Variants in CCNP observed in about 807,000 individuals in gnomAD.
CCNP encodes cyclin-P.
In CCNP, 18 loss-of-function variants were observed where a neutral mutation model predicts 19.6. That is an observed-to-expected ratio of 0.92 (90% CI 0.64 to 1.36). The LOEUF (loss-of-function observed/expected upper bound fraction) is 1.36. Ranked by LOEUF, CCNP falls within the 40% of genes most tolerant of loss-of-function variation. The probability of loss-of-function intolerance (pLI) is 0.00; values close to 1 mark genes in which losing one functional copy is unlikely to be tolerated. For missense variants in CCNP, 440 were observed against 424.4 expected, an observed-to-expected ratio of 1.04 and a Z score of -0.32; for synonymous variants, 228 against 194.9, an observed-to-expected ratio of 1.17 and a Z score of -1.41.
intron 1 of CCNP, among the ~76,000 whole-genome samples, chr19:40,225,335 AG>A (rs1160349374): frequency 6.6e-6 from 1 of 152,112 alleles, no homozygotes; most frequent in Non-Finnish European, 1.5e-5. Context: ...CTGGGATTAC[AG>A]GTATGAGCCA....
Position 40,223,424 on chromosome 19 carries a change from G to T in CCNP, c.636C>A (p.Leu212=). 6.3e-7 allele frequency: 1 copy of T among 1,597,912 alleles called. No individual in the cohort carries two copies. The highest frequency in any genetic ancestry group is 8.5e-7 in the Non-Finnish European group (1 of 1,172,916). ...RLHHPGPLLC[L]GLLAALAGSS... ...TCCCTGCCAGCGCGGCCAGCAGCCCGAGGCACAGCAGCGGGCCGGGGTGGT... is the reference window on the plus strand; with the variant it reads ...TCCCTGCCAGCGCGGCCAGCAGCCCTAGGCACAGCAGCGGGCCGGGGTGGT... Residue 212 remains leucine (L), a synonymous_variant, in exon 4 of 5, where the codon CTC becomes CTA. Coordinates refer to ENST00000430325, the MANE Select transcript of CCNP (RefSeq NM_024877.4).
chr19:40,226,409 C>T lies in CCNP; in HGVS notation c.233G>A (p.Arg78His). The change falls in exon 1 of 5, where the codon CGC becomes CAC. Residue 78 changes from arginine (R) to histidine (H), a missense_variant. By Grantham distance (29) the Arg-to-His change is conservative. Coordinates refer to ENST00000430325, the MANE Select transcript of CCNP (RefSeq NM_024877.4). Reference sequence around the variant, plus strand: ...GGCGAAGATGTCCCCGGCGTACTCGCGTTCTCCCTGCAGCCCCAGCGCGCT... The same window carrying T: ...GGCGAAGATGTCCCCGGCGTACTCGTGTTCTCCCTGCAGCCCCAGCGCGCT... ...ALSALGLQGE[R>H]EYAGDIFAEV... is the part of the protein sequence containing the mutation. 1 of 1,607,938 alleles carries T rather than the reference C, an allele frequency of 6.2e-7. No homozygotes were observed.
rs1370392561 is a variant in CCNP, at chr19:40,223,030, A to G, written c.*22T>C. The G allele has an allele frequency of 7.2e-7, 1 of 1,396,092 alleles. No homozygotes were observed. Among genetic ancestry groups the G allele is most frequent in the East Asian group, 2.5e-5 (1 of 39,990 alleles). 86.5% of individuals were successfully genotyped at this position (1,396,092 alleles called of 1,614,324 possible). A position where few individuals can be genotyped will look rare whatever the true frequency, so the allele number is the denominator to read the frequency against. On this transcript the variant is annotated 3_prime_UTR_variant, in exon 5 of 5. Coordinates refer to ENST00000430325, the MANE Select transcript of CCNP (RefSeq NM_024877.4). Reference sequence around the variant, plus strand: ...ATTCTCTCCCACACCCAGAAAAATCAAGTCTAGGTGCCACCTCCTCCTCAA... The same window carrying G: ...ATTCTCTCCCACACCCAGAAAAATCGAGTCTAGGTGCCACCTCCTCCTCAA...
In CCNP at chr19:40,223,406, C is replaced by A; in HGVS notation, c.654G>T (p.Leu218=). Residue 218 remains leucine (L), a synonymous_variant, in exon 4 of 5, where the codon CTG becomes CTT. Transcript: ENST00000430325. ...GGCTCACCTGGGGGCTGCTCCCTGC[C>A]AGCGCGGCCAGCAGCCCGAGGCACA... ...PLLCLGLLAA[L]AGSSPQVMLL... is the part of the protein sequence containing the mutation. The A allele has an allele frequency of 6.4e-7, 1 of 1,573,210 alleles. No individual in the cohort carries two copies. The highest frequency in any genetic ancestry group is 8.6e-7 in the Non-Finnish European group (1 of 1,160,934).
rs369761473 is a variant in CCNP, at chr19:40,223,559, G to T, written c.514-13C>A. The T allele has an allele frequency of 1.9e-6, 3 of 1,598,062 alleles. No homozygotes were observed. Among genetic ancestry groups the T allele is most frequent in the African/African-American group, 2.7e-5 (2 of 74,424 alleles). Reference sequence around the variant, plus strand: ...AGAGGAAGGCGGGCTGCAGATGGGGGATGCGGGGGGAGGTGAAGGAGTCTT... The same window carrying T: ...AGAGGAAGGCGGGCTGCAGATGGGGTATGCGGGGGGAGGTGAAGGAGTCTT... On this transcript the variant is annotated splice_polypyrimidine_tract_variant and intron_variant, in intron 3 of 4. Transcript: ENST00000430325.
Position 40,223,387 on chromosome 19 carries a change from C to A in CCNP, c.672+1G>T. On this transcript the variant is annotated splice_donor_variant, in intron 4 of 4. Transcript: ENST00000430325. LOFTEE classifies it high-confidence loss of function. ...CACCCCGCGTATTCACAAGGGCTCACCTGGGGGCTGCTCCCTGCCAGCGCG... is the reference window on the plus strand; with the variant it reads ...CACCCCGCGTATTCACAAGGGCTCAACTGGGGGCTGCTCCCTGCCAGCGCG... 1 of 1,540,620 alleles carries A rather than the reference C, an allele frequency of 6.5e-7. No individual in the cohort carries two copies. Among genetic ancestry groups the A allele is most frequent in the Non-Finnish European group, 8.7e-7 (1 of 1,144,152 alleles).
At chr19:40,223,981 TG>T (rs1345922360) in intron 3 of CCNP, among the ~76,000 whole-genome samples, 1 of 148,956 alleles carries the variant, frequency 6.7e-6, no homozygotes, top group African/African-American at 2.5e-5. Context: ...TGTTTTTTTT[TG>T]TTGTTGTTGT....
In CCNP at chr19:40,223,211, C is replaced by G; in HGVS notation, c.765G>C (p.Leu255=). Residue 255 remains leucine, a synonymous_variant, in exon 5 of 5, where the codon CTG becomes CTC. Coordinates refer to ENST00000430325, the MANE Select transcript of CCNP (RefSeq NM_024877.4). ...CGTCGAGCAAGCGGTGCGCCAGGCT[C>G]AGAGCCGCAGCCGCACGACGACCCG... ...WEPGRRAAAA[L]SLAHRLLDGA... 6.5e-7 allele frequency: 1 copy of G among 1,549,640 alleles called. No individual in the cohort carries two copies. Among genetic ancestry groups the G allele is most frequent in the Non-Finnish European group, 8.7e-7 (1 of 1,146,478 alleles).
Position 40,226,632 on chromosome 19 carries a change from T to C in CCNP, c.10A>G (p.Arg4Gly), listed in dbSNP as rs1210601160. ...GAGCCGGACCCCTGGTCCCTGCCTC[T>C]CACCAGCATCCTCCAGGAGGGTGTT... MLV[R>G]GRDQGSGSRL... Residue 4 changes from arginine to glycine, a missense_variant, in exon 1 of 5, where the codon AGA (arginine) becomes GGA (glycine). Physicochemically the swap from Arg to Gly is moderately radical, Grantham distance 125. Coordinates refer to ENST00000430325, the MANE Select transcript of CCNP (RefSeq NM_024877.4). 1.9e-5 allele frequency: 30 copies of C among 1,579,080 alleles called. No homozygotes were observed. Among genetic ancestry groups the C allele is most frequent in the Non-Finnish European group, 2.5e-5 (29 of 1,164,202 alleles).
At position 40,222,806 on chromosome 19, in the gene CCNP, G is replaced by C. The variant is rs997308295; in HGVS notation, c.*246C>G. The stretch of plus-strand genomic sequence containing the variant: ...CCATGGTTCGCCCTGCCACCTGGTA[G>C]CATGGTTAGCGGCCCTAGCAGCTAA... On this transcript the variant is annotated 3_prime_UTR_variant, in exon 5 of 5. Transcript: ENST00000430325. 4.4e-6 allele frequency: 2 copies of C among 450,630 alleles called. No individual in the cohort carries two copies. Among genetic ancestry groups the C allele is most frequent in the Non-Finnish European group, 7.8e-6 (2 of 256,988 alleles). 27.9% of individuals were successfully genotyped at this position (450,630 alleles called of 1,614,324 possible). A position where few individuals can be genotyped will look rare whatever the true frequency, so the allele number is the denominator to read the frequency against.
rs1973513210 is a variant in CCNP, at chr19:40,224,615, AGT to A, written c.384_385del (p.Tyr130SerfsTer7). 2 of 1,614,114 alleles carry A rather than the reference AGT, an allele frequency of 1.2e-6. No homozygotes were observed. Among genetic ancestry groups the A allele is most frequent in the Admixed American group, 1.7e-5 (1 of 60,008 alleles). On this transcript the variant is annotated frameshift_variant, in exon 3 of 5. Coordinates refer to ENST00000430325, the MANE Select transcript of CCNP (RefSeq NM_024877.4). LOFTEE classifies it high-confidence loss of function. ...ATCAAGCAGGTGAACCGCCAGATAA[AGT>A]GTGTCACCAGCCAGACCCAGGTACT...
chr19:40,226,675 C>T lies in CCNP; in HGVS notation c.-34G>A. The T allele has an allele frequency of 6.6e-7, 1 of 1,510,532 alleles. No individual in the cohort carries two copies. Among genetic ancestry groups the T allele is most frequent in the Non-Finnish European group, 8.8e-7 (1 of 1,132,732 alleles). 93.6% of individuals were successfully genotyped at this position (1,510,532 alleles called of 1,614,324 possible). ...AGGGTGTTGCGGGCGAGGCCAAGCA[C>T]CGACCCTTGCAGCTAGGGGAAGAGA... On this transcript the variant is annotated 5_prime_UTR_variant, in exon 1 of 5. In the 5' UTR this introduces an upstream ATG that the reference lacks. Transcript: ENST00000430325.
rs941051002 is a variant in CCNP, at chr19:40,222,962, G to T, written c.*90C>A. On this transcript the variant is annotated 3_prime_UTR_variant, in exon 5 of 5. Coordinates refer to ENST00000430325, the MANE Select transcript of CCNP (RefSeq NM_024877.4). The stretch of plus-strand genomic sequence containing the variant: ...AGACTATCTTCCACTCTGGGGCAAG[G>T]TTAAGAGACCCCAGATCTGGACTAA... The T allele has an allele frequency of 2.7e-6, 2 of 748,998 alleles. No individual in the cohort carries two copies. Among genetic ancestry groups the T allele is most frequent in the Non-Finnish European group, 4.3e-6 (2 of 460,446 alleles). The allele number at this position is 748,998 out of a possible 1,614,324, so 46.4% of individuals were successfully genotyped here.
chr19:40,223,464 A>G lies in CCNP; in HGVS notation c.596T>C (p.Leu199Pro). ...GCCGGGGTGGTGCAGCCGGAAATCCAGGCGGCTCAGGATGCGACGCTCGGC... is the reference window on the plus strand; with the variant it reads ...GCCGGGGTGGTGCAGCCGGAAATCCGGGCGGCTCAGGATGCGACGCTCGGC... ...LRAERRILSR[L>P]DFRLHHPGPL... is the part of the protein sequence containing the mutation. The change falls in exon 4 of 5, where the codon CTG becomes CCG. Residue 199 changes from leucine (L) to proline (P), a missense_variant. By Grantham distance (98) the Leu-to-Pro change is moderately conservative. Transcript: ENST00000430325. 6.2e-7 allele frequency: 1 copy of G among 1,610,970 alleles called. No individual in the cohort carries two copies. Among genetic ancestry groups the G allele is most frequent in the Non-Finnish European group, 8.5e-7 (1 of 1,178,448 alleles).
Position 40,226,292 on chromosome 19 carries a change from G to A in CCNP, c.267+83C>T. On this transcript the variant is annotated intron_variant, in intron 1 of 4. Coordinates refer to ENST00000430325, the MANE Select transcript of CCNP (RefSeq NM_024877.4). ...GTGATAGGGAGGAGAGGCTGGAGCG[G>A]TGGGAGTTCAGAGTGGTGTTGAGTG... The A allele has an allele frequency of 2.5e-6, 3 of 1,216,992 alleles. No individual in the cohort carries two copies. In the South Asian group the frequency reaches 3.8e-5, roughly 16 times the overall value. The allele number at this position is 1,216,992 out of a possible 1,614,324, so 75.4% of individuals were successfully genotyped here.
In CCNP at chr19:40,226,468, G is replaced by A. The variant is rs146380997; in HGVS notation, c.174C>T (p.Arg58=). 1.2e-6 allele frequency: 2 copies of A among 1,607,238 alleles called. No individual in the cohort carries two copies. The highest frequency in any genetic ancestry group is 2.2e-5 in the East Asian group (1 of 44,726). Residue 58 remains arginine (R), a synonymous_variant, in exon 1 of 5, where the codon CGC becomes CGT. Transcript: ENST00000430325. ...CCTCCAGCCCCGGCGGCCTCGCCAG[G>A]CGTCTTGGGGAGACAGTGGGGCCCG... ...FPAGPTVSPR[R]LARPPGLEEA... is the part of the protein sequence containing the mutation.
At chr19:40,225,340 T>C (rs891324544) in intron 1 of CCNP, among the ~76,000 whole-genome samples, 2 of 152,128 alleles carry the variant, frequency 1.3e-5, no homozygotes, top group African/African-American at 4.8e-5. Flanking sequence ...ATTACAGGTA[T>C]GAGCCACTGC....
chr19:40,224,578 G>A lies in CCNP; in HGVS notation c.423C>T (p.Ser141=), dbSNP rs767890035. Residue 141 remains serine, a synonymous_variant, in exon 3 of 5, where the codon AGC becomes AGT. Transcript: ENST00000430325. ...GGCGATGTAGACGCACGCGGCCAGC[G>A]CTCAGGTAGGAATCAAGCAGGTGAA... is the stretch of plus-strand genomic sequence containing the variant. ...LAVHLLDSYL[S]AGRVRLHRLQ... 1.9e-6 allele frequency: 3 copies of A among 1,614,172 alleles called. No homozygotes were observed. Among genetic ancestry groups the A allele is most frequent in the Non-Finnish European group, 1.7e-6 (2 of 1,180,040 alleles).
At chr19:40,223,874 T>G (rs1973496806) in intron 3 of CCNP, among the ~76,000 whole-genome samples, 1 of 152,068 alleles carries the variant, frequency 6.6e-6, no homozygotes, top group Non-Finnish European at 1.5e-5. Context: ...TCATGCATGT[T>G]GACGGTAACT....
Sources: allele counts gnomAD v4.1 joint callset (sites outside exome capture counted in the v4.1 genomes callset), GRCh38; gene constraint gnomAD v4.1.1; transcripts MANE v1.5; gene names NCBI Gene and HGNC (gene_info 2026-07-23, HGNC 2026-07-21).